The following L3MBTL4 variants were observed in gnomAD, a reference collection of about 807,000 sequenced individuals.
L3MBTL4 encodes the protein L3MBTL histone methyl-lysine binding protein 4.
L3MBTL4 carries 70 observed loss-of-function variants against 84.5 expected under a neutral mutation model. That is an observed-to-expected ratio of 0.83 (90% CI 0.68 to 1.01). The LOEUF is 1.01. L3MBTL4 is among the 50% of genes least tolerant of loss of function. L3MBTL4 has a pLI of 0.00. For synonymous variants in L3MBTL4, 274 were observed against 259.8 expected (o/e 1.05, Z -0.52); for missense variants, 715 against 754.8 (o/e 0.95, Z 0.62).
chr18:6,351,587 T>C lies in L3MBTL4; in HGVS notation c.-90-39531A>G, dbSNP rs185254326. ...TTTTTTTTGAGATGGAGTCTCGCTC[T>C]GTCGCCCAGGCTGGAGTGCAGTGGC... On this transcript the variant is annotated intron_variant, in intron 1 of 18. Coordinates refer to ENST00000317931, the MANE Select transcript of L3MBTL4 (RefSeq NM_001330559.2). 1.9e-3 allele frequency among the ~76,000 whole-genome samples: 284 copies of C among 152,192 alleles called. 1 individual carries two copies. The highest frequency in any genetic ancestry group is 3.1e-3 in the Non-Finnish European group (209 of 67,978).
intron 1 of L3MBTL4, among the ~76,000 whole-genome samples, chr18:6,320,159 G>A (rs991062842): frequency 5.9e-5 from 9 of 151,966 alleles, no homozygotes; most frequent in African/African-American, 1.7e-4. Flanking sequence ...AATAACAAGA[G>A]CCATGTATGA....
intron 3 of L3MBTL4, among the ~76,000 whole-genome samples, chr18:6,309,862 T>C (rs2050749198): frequency 6.6e-6 from 1 of 152,304 alleles, no homozygotes; most frequent in East Asian, 1.9e-4. Context: ...GTCTCAAATG[T>C]TAAACAAAAA....
At chr18:6,110,231 T>C (rs897272726) in intron 14 of L3MBTL4, among the ~76,000 whole-genome samples, 5 of 152,228 alleles carry the variant, frequency 3.3e-5, no homozygotes, top group African/African-American at 1.2e-4. Flanking sequence ...AGTGAAAATA[T>C]GTTGCACTTA....
At chr18:6,039,175 A>T (rs1242699471) in intron 16 of L3MBTL4, among the ~76,000 whole-genome samples, 2 of 152,026 alleles carry the variant, frequency 1.3e-5, no homozygotes, top group Non-Finnish European at 2.9e-5. Context: ...TGTGATCTTG[A>T]CCTTCTAGCC....
chr18:6,357,190 A>C (rs2053487189), intron 1 of L3MBTL4, among the ~76,000 whole-genome samples: 1 of 152,108 alleles, frequency 6.6e-6, no homozygotes, highest in Admixed American at 6.5e-5. Flanking sequence ...TATCCCCCAA[A>C]ATTGTAATTA....
At chr18:5,990,383 G>T (rs542771893) in intron 16 of L3MBTL4, among the ~76,000 whole-genome samples, 1 of 152,290 alleles carries the variant, frequency 6.6e-6, no homozygotes, top group Admixed American at 6.5e-5. Flanking sequence ...CAAAGCAATA[G>T]TACAAAGAGA....
intron 12 of L3MBTL4, among the ~76,000 whole-genome samples, chr18:6,199,088 G>A (rs558116750): frequency 6.6e-6 from 1 of 152,328 alleles, no homozygotes; most frequent in East Asian, 1.9e-4. Flanking sequence ...CACTAGTGAT[G>A]TTAAAGAGAC....
At chr18:6,145,967 G>T (rs1416941841) in intron 13 of L3MBTL4, among the ~76,000 whole-genome samples, 1 of 152,218 alleles carries the variant, frequency 6.6e-6, no homozygotes, top group Admixed American at 6.5e-5. Flanking sequence ...GACAGTGAGT[G>T]GGGGACGTGG....
At chr18:6,019,874 T>C (rs1352988594) in intron 16 of L3MBTL4, among the ~76,000 whole-genome samples, 2 of 152,204 alleles carry the variant, frequency 1.3e-5, no homozygotes, top group African/African-American at 4.8e-5. Context: ...ACTTGTGATG[T>C]GATAATTATT....
At chr18:6,089,121 G>GA (rs949422706) in intron 15 of L3MBTL4, among the ~76,000 whole-genome samples, 3 of 151,588 alleles carry the variant, frequency 2.0e-5, no homozygotes, top group African/African-American at 7.3e-5. Flanking sequence ...AAAAATGCCT[G>GA]AAAAAAAAGT....
chr18:6,340,707 C>T (rs942774324), intron 1 of L3MBTL4, among the ~76,000 whole-genome samples: 1 of 152,044 alleles, frequency 6.6e-6, no homozygotes, highest in African/African-American at 2.4e-5. Context: ...CCTGTGGGCC[C>T]TTGCACCCAG....
intron 13 of L3MBTL4, among the ~76,000 whole-genome samples, chr18:6,157,108 A>G (rs1262935110): frequency 6.6e-6 from 1 of 152,176 alleles, no homozygotes; most frequent in African/African-American, 2.4e-5. Context: ...TATCATGTAG[A>G]TCTGTAATTA....
intron 12 of L3MBTL4, among the ~76,000 whole-genome samples, chr18:6,205,715 G>A (rs1011681691): frequency 2.0e-5 from 3 of 152,148 alleles, no homozygotes; most frequent in Non-Finnish European, 4.4e-5. Flanking sequence ...GGAGAATGTG[G>A]TCACCATCTT....
chr18:6,093,667 T>C lies in L3MBTL4; in HGVS notation c.1200-139A>G, dbSNP rs182385795. ...TCTTTCCCTGAGCACACTCAAATAA[T>C]AGTTTCTTTTCATATTGCCTTTTGA... On this transcript the variant is annotated intron_variant, in intron 14 of 18. Coordinates refer to ENST00000317931, the MANE Select transcript of L3MBTL4 (RefSeq NM_001330559.2). The C allele has an allele frequency of 3.0e-4, 194 of 645,676 alleles. No individual in the cohort carries two copies. In the African/African-American group the frequency reaches 3.3e-3, roughly 11 times the overall value. 40.0% of individuals were successfully genotyped at this position (645,676 alleles called of 1,614,324 possible). A position where few individuals can be genotyped will look rare whatever the true frequency, so the allele number is the denominator to read the frequency against.
At chr18:6,226,134 G>A (rs2046772863) in intron 10 of L3MBTL4, among the ~76,000 whole-genome samples, 2 of 146,246 alleles carry the variant, frequency 1.4e-5, no homozygotes, top group Admixed American at 1.3e-4. Context: ...TCCGCCAGAT[G>A]TGGTGGCCCA....
At chr18:5,962,471 C>T (rs1035355941) in intron 17 of L3MBTL4, among the ~76,000 whole-genome samples, 9 of 151,980 alleles carry the variant, frequency 5.9e-5, no homozygotes, top group African/African-American at 4.8e-5. Context: ...GGGAGGGCCA[C>T]GTGGTTCCAG....
At chr18:5,960,195 C>T (rs374928893) in intron 17 of L3MBTL4, 39 bp from the exon 18 acceptor site, 7 of 1,325,742 alleles carry the variant, frequency 5.3e-6, no homozygotes, top group African/African-American at 4.5e-5. Flanking sequence ...AATACATGCA[C>T]CTGAAATAAT....
intron 12 of L3MBTL4, among the ~76,000 whole-genome samples, chr18:6,186,156 G>A (rs1379232403): frequency 6.6e-6 from 1 of 151,962 alleles, no homozygotes; most frequent in Non-Finnish European, 1.5e-5. Context: ...GGGACTACAG[G>A]TGCCCACCAC....
intron 14 of L3MBTL4, among the ~76,000 whole-genome samples, chr18:6,136,178 A>C (rs1054053157): frequency 1.3e-5 from 2 of 152,196 alleles, no homozygotes. Context: ...TCCCTCCCAC[A>C]ACATGTGGGA....
Sources: allele counts gnomAD v4.1 joint callset (sites outside exome capture counted in the v4.1 genomes callset), GRCh38; gene constraint gnomAD v4.1.1; transcripts MANE v1.5; gene names NCBI Gene and HGNC (gene_info 2026-07-23, HGNC 2026-07-21).